The following CSMD1 variants were observed in gnomAD, a reference collection of about 807,000 sequenced individuals.
CSMD1 encodes the protein CUB and Sushi multiple domains 1.
CSMD1 carries 213 observed loss-of-function variants against 417.5 expected under a neutral mutation model. The observed-to-expected ratio is 0.51, with a 90% CI of 0.46 to 0.57. CSMD1 has a LOEUF of 0.57. Among genes scored for constraint, CSMD1 ranks in the 20% least tolerant of loss-of-function variants. The pLI is 0.00. For missense variants in CSMD1, 6,923 were observed against 4,529.7 expected (o/e 1.53, Z -15.17); for synonymous variants, 2,862 against 1,736.8 (o/e 1.65, Z -16.11).
intron 26 of CSMD1, among the ~76,000 whole-genome samples, chr8:3,252,178 G>A (rs1585802297): frequency 6.6e-6 from 1 of 152,138 alleles, no homozygotes; most frequent in African/African-American, 2.4e-5. Context: ...TGCCCATTCA[G>A]TATGATATTG....
At chr8:3,811,040 G>A (rs575965491) in intron 5 of CSMD1, among the ~76,000 whole-genome samples, 89 of 152,238 alleles carry the variant, frequency 5.8e-4, no homozygotes, top group Admixed American at 1.0e-3. Flanking sequence ...TTACTGGCAG[G>A]GGATGAATCT....
At chr8:4,770,115 C>T (rs905282453) in intron 1 of CSMD1, among the ~76,000 whole-genome samples, 9 of 151,532 alleles carry the variant, frequency 5.9e-5, no homozygotes, top group African/African-American at 1.9e-4. Context: ...AAATACTTAA[C>T]GTTGTTACAA....
intron 39 of CSMD1, among the ~76,000 whole-genome samples, chr8:3,155,358 G>GCTTTTTTT (rs763097673): frequency 2.1e-5 from 1 of 48,094 alleles, no homozygotes; most frequent in Non-Finnish European, 4.2e-5. Context: ...TCAAGGCTGG[G>GCTTTTTTT]ATTTTTTTTT....
chr8:4,105,972 C>T (rs535044563), intron 3 of CSMD1, among the ~76,000 whole-genome samples: 1 of 152,340 alleles, frequency 6.6e-6, no homozygotes, highest in South Asian at 2.1e-4. Context: ...GTCCCAACTT[C>T]ACCACAGGAA....
chr8:4,355,056 A>T lies in CSMD1; in HGVS notation c.415+64897T>A, dbSNP rs889446179. 2.6e-5 allele frequency among the ~76,000 whole-genome samples: 4 copies of T among 152,016 alleles called. No individual in the cohort carries two copies. The South Asian group carries it at 8.3e-4, about 32-fold the overall frequency. ...GGCGGGCGGATGACGAGGTCAGGAGATCGAGACCATCCTGGCTAACATGGT... is the reference window on the plus strand; with the variant it reads ...GGCGGGCGGATGACGAGGTCAGGAGTTCGAGACCATCCTGGCTAACATGGT... On this transcript the variant is annotated intron_variant, in intron 3 of 69. Transcript: ENST00000635120.
intron 5 of CSMD1, among the ~76,000 whole-genome samples, chr8:3,873,660 G>C (rs1204629026): frequency 6.6e-6 from 1 of 152,024 alleles, no homozygotes; most frequent in Non-Finnish European, 1.5e-5. Context: ...CATGACACTA[G>C]TTTATCTATA....
At chr8:3,295,292 T>C (rs997320711) in intron 25 of CSMD1, among the ~76,000 whole-genome samples, 4 of 151,758 alleles carry the variant, frequency 2.6e-5, no homozygotes, top group African/African-American at 9.7e-5. Context: ...ACATGGCTAA[T>C]TTTTTTGTAT....
chr8:4,100,128 A>C (rs1162970700), intron 3 of CSMD1, among the ~76,000 whole-genome samples: 1 of 152,138 alleles, frequency 6.6e-6, no homozygotes, highest in Admixed American at 6.6e-5. Flanking sequence ...GAAATTACTT[A>C]CTTTTCCCAA....
chr8:4,900,469 A>G (rs2117041182), intron 1 of CSMD1, among the ~76,000 whole-genome samples: 1 of 151,876 alleles, frequency 6.6e-6, no homozygotes, highest in Non-Finnish European at 1.5e-5. Context: ...CAGTCCTCCT[A>G]CCCTTCCCCT....
intron 50 of CSMD1, among the ~76,000 whole-genome samples, chr8:3,050,590 C>T (rs1441856379): frequency 3.9e-5 from 6 of 152,150 alleles, no homozygotes; most frequent in Non-Finnish European, 8.8e-5. Context: ...ACCAATGTAT[C>T]TTGCTATCCT....
chr8:3,049,771 G>A (rs1811695541), intron 50 of CSMD1, among the ~76,000 whole-genome samples: 1 of 152,102 alleles, frequency 6.6e-6, no homozygotes, highest in Admixed American at 6.5e-5. Flanking sequence ...TGGGCTCTGG[G>A]TGATGATGGT....
At chr8:3,838,976 ATATAT>A (rs1563132527) in intron 5 of CSMD1, among the ~76,000 whole-genome samples, 5 of 122,318 alleles carry the variant, frequency 4.1e-5, no homozygotes, top group African/African-American at 9.8e-5. Context: ...ATTATATATA[ATATAT>A]TATATATCAT....
chr8:4,798,946 C>T (rs2117271622), intron 1 of CSMD1, among the ~76,000 whole-genome samples: 1 of 152,284 alleles, frequency 6.6e-6, no homozygotes, highest in East Asian at 1.9e-4. Flanking sequence ...TCTTGATCTG[C>T]CCTCCAAATT....
chr8:3,864,421 G>A (rs950915686), intron 5 of CSMD1, among the ~76,000 whole-genome samples: 5 of 152,160 alleles, frequency 3.3e-5, no homozygotes, highest in Non-Finnish European at 7.3e-5. Context: ...AAAAGCATGA[G>A]AAGAAAGGAA....
At chr8:4,299,834 TTGGCCAGGA>T (rs1436576272) in intron 3 of CSMD1, among the ~76,000 whole-genome samples, 1 of 152,128 alleles carries the variant, frequency 6.6e-6, no homozygotes, top group Non-Finnish European at 1.5e-5. Context: ...TTTCACCTTC[TTGGCCAGGA>T]TGGTCTCGAT....
intron 3 of CSMD1, among the ~76,000 whole-genome samples, chr8:4,077,758 C>A (rs534573101): frequency 6.6e-6 from 1 of 152,284 alleles, no homozygotes; most frequent in African/African-American, 2.4e-5. Flanking sequence ...AATGCTATTG[C>A]CCTATGATAA....
At chr8:3,561,919 G>A (rs1799483002) in intron 10 of CSMD1, among the ~76,000 whole-genome samples, 1 of 152,224 alleles carries the variant, frequency 6.6e-6, no homozygotes, top group Admixed American at 6.5e-5. Flanking sequence ...TTCTGCATAA[G>A]CGAGGGATGC....
At chr8:3,671,934 T>C (rs1799092688) in intron 7 of CSMD1, among the ~76,000 whole-genome samples, 1 of 152,162 alleles carries the variant, frequency 6.6e-6, no homozygotes, top group Non-Finnish European at 1.5e-5. Flanking sequence ...CTGGTCATTT[T>C]TGAAAGAAAG....
chr8:3,728,496 A>C (rs58942175), intron 6 of CSMD1, among the ~76,000 whole-genome samples: 2,688 of 152,310 alleles, frequency 0.018, 65 homozygotes, highest in African/African-American at 0.059. Context: ...ATAATAAGTA[A>C]AATAATAAAA....
Sources: allele counts gnomAD v4.1 joint callset (sites outside exome capture counted in the v4.1 genomes callset), GRCh38; gene constraint gnomAD v4.1.1; transcripts MANE v1.5; gene names NCBI Gene and HGNC (gene_info 2026-07-23, HGNC 2026-07-21).